The following ZBED6 variants were observed in gnomAD, a reference collection of about 807,000 sequenced individuals.
ZBED6 encodes the protein zinc finger BED domain-containing protein 6.
ZBED6 carries 40 observed loss-of-function variants against 58.4 expected under a neutral mutation model. The ratio of observed to expected loss-of-function variants is 0.68; its 90% CI spans 0.53 to 0.89. The LOEUF is 0.89. Among genes scored for constraint, ZBED6 ranks in the 40% least tolerant of loss-of-function variants. The pLI is 0.00. For synonymous variants in ZBED6, 439 were observed against 350.6 expected, an observed-to-expected ratio of 1.25 and a Z score of -2.82; for missense variants, 1,057 against 1,003.9, an observed-to-expected ratio of 1.05 and a Z score of -0.71.
chr1:203,816,029 C>A (rs142983012), intron 1 of ZBED6, among the ~76,000 whole-genome samples: 79 of 152,234 alleles, frequency 5.2e-4, no homozygotes, highest in Middle Eastern at 3.4e-3. Flanking sequence ...CACCTCTAGT[C>A]GTCTTCATTA....
chr1:203,809,172 GTTTTTTTT>G (rs33926996), intron 1 of ZBED6, among the ~76,000 whole-genome samples: 1 of 83,248 alleles, frequency 1.2e-5, no homozygotes, highest in Non-Finnish European at 2.1e-5. Context: ...TCTTCTCACT[GTTTTTTTT>G]TTTTTTTTTT....
chr1:203,833,620 T>G (rs1352298188), intron 8 of ZBED6, among the ~76,000 whole-genome samples, 171 bp from the exon 9 acceptor site: 2 of 30,180 alleles, frequency 6.6e-5, no homozygotes, highest in African/African-American at 2.1e-4. Context: ...AGGTTTGGGT[T>G]TTTTTTTTTT....
intron 1 of ZBED6, among the ~76,000 whole-genome samples, chr1:203,815,191 T>TTCA (rs1347028886): frequency 1.4e-5 from 2 of 145,636 alleles, no homozygotes; most frequent in South Asian, 2.1e-4. Flanking sequence ...TAGATGTTAT[T>TTCA]TCATTATTTT....
intron 8 of ZBED6, among the ~76,000 whole-genome samples, 185 bp downstream of exon 8, chr1:203,831,956 C>T (rs1682515330): frequency 6.6e-6 from 1 of 152,200 alleles, no homozygotes. Flanking sequence ...AATTCTTTGT[C>T]AAGCAGCCCT....
exon 17 of ZBED6, chr1:203,853,360 G>A (rs1689645814): frequency 6.6e-6 from 1 of 152,534 alleles, no homozygotes; most frequent in Non-Finnish European, 1.5e-5. Flanking sequence ...ATGGGCTGTA[G>A]CAGTACACTG....
chr1:203,840,497 T>A, intron 11 of ZBED6, 123 bp downstream of exon 11: 2 of 963,500 alleles, frequency 2.1e-6, no homozygotes, highest in Middle Eastern at 2.8e-4. Flanking sequence ...TAGTTCTGTT[T>A]GTTTTTTAAG....
At chr1:203,849,921 C>T (rs759372174) in exon 14 of ZBED6, 3 of 1,614,132 alleles carry the variant, frequency 1.9e-6, no homozygotes, top group Admixed American at 3.3e-5. Flanking sequence ...GACCAAGCGG[C>T]TTCCCACAAA....
At chr1:203,796,758 T>G (rs1668648271) in exon 1 of ZBED6, 1 of 291,212 alleles carries the variant, frequency 3.4e-6, no homozygotes, top group Admixed American at 5.2e-5. Flanking sequence ...ATCTGAAAAC[T>G]AAACTTGAAT....
intron 11 of ZBED6, among the ~76,000 whole-genome samples, chr1:203,841,581 ATCTC>A (rs768153052): frequency 2.0e-5 from 3 of 152,202 alleles, no homozygotes; most frequent in Non-Finnish European, 4.4e-5. Context: ...TAACAATCTG[ATCTC>A]TCTTTCTTTT....
intron 3 of ZBED6, among the ~76,000 whole-genome samples, chr1:203,823,639 A>G (rs373748525): frequency 6.6e-6 from 1 of 152,254 alleles, no homozygotes; most frequent in African/African-American, 2.4e-5. Context: ...TTCTAAGGAC[A>G]GTAGTCTAAG....
At chr1:203,796,226 C>G (rs191829490) in exon 1 of ZBED6, 18 of 392,556 alleles carry the variant, frequency 4.6e-5, no homozygotes, top group African/African-American at 3.5e-4. Flanking sequence ...TTGAGCGGAC[C>G]CTCACTGCCT....
intron 10 of ZBED6, among the ~76,000 whole-genome samples, chr1:203,839,498 A>C (rs1458406796): frequency 6.6e-6 from 1 of 152,124 alleles, no homozygotes; most frequent in Admixed American, 6.6e-5. Context: ...ACTTTCTTTG[A>C]AATAAGAAAC....
chr1:203,799,903 T>A (rs1214503675), exon 1 of ZBED6: 1 of 1,535,988 alleles, frequency 6.5e-7, no homozygotes, highest in Non-Finnish European at 8.7e-7. Context: ...TATAAGCAGT[T>A]CCTTGCAGAA....
At chr1:203,815,733 C>A (rs1031247772) in intron 1 of ZBED6, among the ~76,000 whole-genome samples, 1 of 152,150 alleles carries the variant, frequency 6.6e-6, no homozygotes, top group Non-Finnish European at 1.5e-5. Context: ...ACCATTCTTG[C>A]ATTAGGAATT....
At chr1:203,832,235 A>AT (rs1376985730) in intron 8 of ZBED6, among the ~76,000 whole-genome samples, 2 of 151,640 alleles carry the variant, frequency 1.3e-5, no homozygotes, top group East Asian at 3.9e-4. Flanking sequence ...ATTTTTTTGT[A>AT]TTTTTAGTAG....
intron 11 of ZBED6, among the ~76,000 whole-genome samples, chr1:203,844,187 A>G (rs1467042106): frequency 6.8e-6 from 1 of 147,988 alleles, no homozygotes; most frequent in Non-Finnish European, 1.5e-5. Context: ...TGTTTGAGAC[A>G]GAGTCTCACT....
intron 9 of ZBED6, 192 bp downstream of exon 9, chr1:203,834,045 A>G (rs1683387520): frequency 8.0e-7 from 1 of 1,256,132 alleles, no homozygotes; most frequent in Non-Finnish European, 1.0e-6. Context: ...AAAGTGTTAC[A>G]ATTGAACTAG....
chr1:203,822,039 G>C (rs1039118956), intron 3 of ZBED6, among the ~76,000 whole-genome samples: 2 of 152,042 alleles, frequency 1.3e-5, no homozygotes, highest in African/African-American at 2.4e-5. Flanking sequence ...TTACAGGTGT[G>C]AGCCACCGTG....
intron 1 of ZBED6, among the ~76,000 whole-genome samples, chr1:203,804,238 G>C (rs999600423): frequency 6.8e-6 from 1 of 147,114 alleles, no homozygotes; most frequent in South Asian, 2.2e-4. Context: ...TGCAAACTCC[G>C]CCTCCCGGGT....
Sources: gnomAD v4.1 joint callset for allele counts (sites outside exome capture counted in the v4.1 genomes callset) on GRCh38, gnomAD v4.1.1 for gene constraint, MANE v1.5 for transcripts, NCBI Gene and HGNC (gene_info 2026-07-23, HGNC 2026-07-21) for gene names.